The following ADGRV1 variants were observed in gnomAD, a reference collection of about 807,000 sequenced individuals.
ADGRV1 encodes the protein adhesion G protein-coupled receptor V1.
Under a neutral mutation model 596.2 loss-of-function variants are expected in ADGRV1, and 359 were observed. That is an observed-to-expected ratio of 0.60 (90% CI 0.55 to 0.66). The LOEUF (loss-of-function observed/expected upper bound fraction) is 0.66. ADGRV1 is among the 30% of genes least tolerant of loss of function. The pLI, the probability that ADGRV1 is intolerant of heterozygous loss-of-function variation, is 0.00. For missense variants in ADGRV1, 7,274 were observed against 7,575.6 expected, an observed-to-expected ratio of 0.96 and a Z score of 1.48; for synonymous variants, 2,681 against 2,679.2, an observed-to-expected ratio of 1.00 and a Z score of -0.02.
intron 83 of ADGRV1, among the ~76,000 whole-genome samples, chr5:90,864,446 G>C (rs1374514725): frequency 6.6e-6 from 1 of 152,150 alleles, no homozygotes; most frequent in Non-Finnish European, 1.5e-5. Flanking sequence ...TCCATACGGT[G>C]TTCATAGTCT....
chr5:90,732,134 A>G (rs540774877), intron 50 of ADGRV1, among the ~76,000 whole-genome samples: 18 of 152,262 alleles, frequency 1.2e-4, no homozygotes, highest in Admixed American at 3.9e-4. Flanking sequence ...CTGAATAGCT[A>G]GGACTACAGG....
At chr5:90,739,191 ATGAAT>A (rs1213882591) in intron 50 of ADGRV1, among the ~76,000 whole-genome samples, 1 of 151,710 alleles carries the variant, frequency 6.6e-6, no homozygotes. Flanking sequence ...TATTTTGTTA[ATGAAT>A]TGTTTTCCAA....
intron 64 of ADGRV1, 52 bp downstream of exon 64, chr5:90,779,149 G>C: frequency 2.7e-6 from 3 of 1,101,544 alleles, no homozygotes; most frequent in Non-Finnish European, 4.1e-6. Context: ...GAGAGAAAGA[G>C]AGAAAGTTCT....
At chr5:90,620,058 A>C (rs540560394) in intron 4 of ADGRV1, among the ~76,000 whole-genome samples, 9,294 of 149,908 alleles carry the variant, frequency 0.062, 354 homozygotes, top group South Asian at 0.1. Context: ...CCGCAATAAA[A>C]ATACGTGTGC....
intron 18 of ADGRV1, 36 bp downstream of exon 18, chr5:90,651,766 G>T (rs1226870316): frequency 7.3e-7 from 1 of 1,373,396 alleles, no homozygotes; most frequent in South Asian, 1.2e-5. Flanking sequence ...TTAAAATTGG[G>T]TGAAATAAAA....
chr5:90,600,661 T>C (rs1401145714), intron 1 of ADGRV1, among the ~76,000 whole-genome samples: 1 of 152,196 alleles, frequency 6.6e-6, no homozygotes, highest in African/African-American at 2.4e-5. Flanking sequence ...ATCCTTTGGG[T>C]ATATACCCAG....
intron 16 of ADGRV1, 143 bp from the exon 17 acceptor site, chr5:90,647,355 A>C: frequency 1.5e-6 from 1 of 667,792 alleles, no homozygotes; most frequent in Non-Finnish European, 2.4e-6. Context: ...TAGTCATGTC[A>C]GAGTTGGGAA....
intron 83 of ADGRV1, among the ~76,000 whole-genome samples, chr5:90,930,112 G>T (rs1775086099): frequency 1.3e-5 from 2 of 151,942 alleles, no homozygotes; most frequent in Admixed American, 1.3e-4. Flanking sequence ...TATATGATTT[G>T]TCTAGCAAAT....
At chr5:90,850,078 G>T (rs1363882075) in intron 79 of ADGRV1, among the ~76,000 whole-genome samples, 1 of 152,090 alleles carries the variant, frequency 6.6e-6, no homozygotes, top group East Asian at 1.9e-4. Context: ...GAGAGGCCTG[G>T]ACTCAACCCC....
At chr5:91,085,203 A>G (rs1008399274) in intron 86 of ADGRV1, among the ~76,000 whole-genome samples, 2 of 152,208 alleles carry the variant, frequency 1.3e-5, no homozygotes. Context: ...CGTTGTGCAC[A>G]TGTACCCTAG....
Position 90,784,067 on chromosome 5 carries a change from T to G in ADGRV1, c.13653+10T>G. The G allele has an allele frequency of 6.4e-7, 1 of 1,564,578 alleles. No individual in the cohort carries two copies. The highest frequency in any genetic ancestry group is 1.1e-5 in the South Asian group (1 of 87,832). ...CTTGGGAGAGATTCAGGTAGATTTA[T>G]GTTCCCCATGACTTTAAATATAATT... On this transcript the variant is annotated intron_variant, in intron 67 of 89. Coordinates refer to ENST00000405460, the MANE Select transcript of ADGRV1 (RefSeq NM_032119.4).
At chr5:90,629,014 A>T (rs1765156901) in intron 8 of ADGRV1, 182 bp downstream of exon 8, 1 of 696,986 alleles carries the variant, frequency 1.4e-6, no homozygotes, top group Non-Finnish European at 2.2e-6. Flanking sequence ...CCTCTAAAAA[A>T]TTCCACAAAC....
At position 90,790,889 on chromosome 5, in the gene ADGRV1, G is replaced by A. The variant is rs377490177; in HGVS notation, c.14060G>A (p.Ser4687Asn). The A allele has an allele frequency of 6.2e-7, 1 of 1,607,250 alleles. No homozygotes were observed. Residue 4687 changes from serine (S) to asparagine (N), a missense_variant, in exon 70 of 90, where the codon AGT becomes AAT. Transcript: ENST00000405460. ...FGEIMVYWELSSEFDITEDFL... is the reference protein window; with the variant it reads ...FGEIMVYWELNSEFDITEDFL... ...TTATTTTAGGTTTACTGGGAATTAA[G>A]TAGTGAGTTTGACATTACTGAAGAC...
intron 81 of ADGRV1, among the ~76,000 whole-genome samples, 167 bp from the exon 82 acceptor site, chr5:90,855,574 A>G (rs553177515): frequency 6.6e-6 from 1 of 152,308 alleles, no homozygotes; most frequent in African/African-American, 2.4e-5. Flanking sequence ...CTGTCATGTC[A>G]TGTCCTGGAC....
intron 83 of ADGRV1, among the ~76,000 whole-genome samples, chr5:90,865,478 G>A (rs985705821): frequency 6.6e-6 from 1 of 152,078 alleles, no homozygotes. Context: ...CTATGTTGGA[G>A]CACTGACTTT....
Position 90,689,164 on chromosome 5 carries a change from A to G in ADGRV1, c.6491-697A>G, listed in dbSNP as rs149616395. 3.0e-3 allele frequency among the ~76,000 whole-genome samples: 456 copies of G among 152,174 alleles called. 1 individual carries two copies. The highest frequency in any genetic ancestry group is 9.9e-3 in the African/African-American group (413 of 41,510). On this transcript the variant is annotated intron_variant, in intron 29 of 89. Coordinates refer to ENST00000405460, the MANE Select transcript of ADGRV1 (RefSeq NM_032119.4). ...GCCATAATACTTGCTTGAAAAGACAATAAACCAGGCCCATCTAATACCTAA... is the reference window on the plus strand; with the variant it reads ...GCCATAATACTTGCTTGAAAAGACAGTAAACCAGGCCCATCTAATACCTAA...
At chr5:90,650,517 C>T (rs185493717) in intron 17 of ADGRV1, among the ~76,000 whole-genome samples, 1 of 152,104 alleles carries the variant, frequency 6.6e-6, no homozygotes, top group East Asian at 1.9e-4. Context: ...TATTGATAAG[C>T]TGGTTTGCTA....
At chr5:91,052,001 A>C (rs1435772919) in intron 85 of ADGRV1, among the ~76,000 whole-genome samples, 1 of 152,180 alleles carries the variant, frequency 6.6e-6, no homozygotes, top group African/African-American at 2.4e-5. Context: ...ACCACTTGTG[A>C]CTTTATTTGA....
At chr5:90,750,435 A>G (rs944190807) in intron 52 of ADGRV1, 116 bp from the exon 53 acceptor site, 19 of 700,538 alleles carry the variant, frequency 2.7e-5, no homozygotes, top group Middle Eastern at 3.2e-4. Context: ...TTCACTTACT[A>G]TGTCATGTTG....
Sources: allele counts gnomAD v4.1 joint callset (sites outside exome capture counted in the v4.1 genomes callset), GRCh38; gene constraint gnomAD v4.1.1; transcripts MANE v1.5; gene names NCBI Gene and HGNC (gene_info 2026-07-23, HGNC 2026-07-21).